Variants in SLC2A13 observed in about 807,000 individuals in gnomAD.
The protein encoded by SLC2A13 is proton myo-inositol cotransporter.
A neutral mutation model predicts 64.4 loss-of-function variants in SLC2A13; 32 were observed. The ratio of observed to expected loss-of-function variants is 0.50; its 90% CI spans 0.37 to 0.67. The LOEUF (loss-of-function observed/expected upper bound fraction) is 0.67, where lower values mean the gene tolerates loss of function less well. Among genes scored for constraint, SLC2A13 ranks in the 30% least tolerant of loss-of-function variants. The pLI, the probability that SLC2A13 is intolerant of heterozygous loss-of-function variation, is 0.00. For synonymous variants in SLC2A13, 338 were observed against 327.1 expected (o/e 1.03, Z -0.36); for missense variants, 743 against 829.2 (o/e 0.90, Z 1.28).
rs1939957301 is a variant in SLC2A13, at chr12:39,755,826, T to C, written c.*4200A>G. 1 of 152,064 alleles carries C rather than the reference T, an allele frequency of 6.6e-6. No individual in the cohort carries two copies. The highest frequency in any genetic ancestry group is 1.5e-5 in the Non-Finnish European group (1 of 67,866). The allele number at this position is 152,064 out of a possible 1,614,324, so 9.4% of individuals were successfully genotyped here. A position where few individuals can be genotyped will look rare whatever the true frequency, so the allele number is the denominator to read the frequency against. ...CATATAAAGATTTACATAAATTATA[T>C]TGTTTTAGCTCACTAGCAAATTATA... On this transcript the variant is annotated 3_prime_UTR_variant, in exon 10 of 10. Coordinates refer to ENST00000280871, the MANE Select transcript of SLC2A13 (RefSeq NM_052885.4).
chr12:39,941,306 T>C (rs1946021359), intron 4 of SLC2A13, among the ~76,000 whole-genome samples: 1 of 152,164 alleles, frequency 6.6e-6, no homozygotes, highest in African/African-American at 2.4e-5. Context: ...GATTGCTGGA[T>C]CAAATGGTAG....
At chr12:40,078,662 G>A (rs1405691340) in intron 1 of SLC2A13, among the ~76,000 whole-genome samples, 2 of 152,166 alleles carry the variant, frequency 1.3e-5, no homozygotes, top group Non-Finnish European at 2.9e-5. Flanking sequence ...GAGTCAGAGA[G>A]GAGTCCCTCT....
intron 4 of SLC2A13, among the ~76,000 whole-genome samples, chr12:39,922,469 A>G (rs1945631293): frequency 1.3e-5 from 2 of 152,140 alleles, no homozygotes; most frequent in African/African-American, 4.8e-5. Flanking sequence ...AAGAACTAAG[A>G]CTCTGTCCTC....
intron 3 of SLC2A13, among the ~76,000 whole-genome samples, chr12:40,009,152 CCAG>C (rs1947476603): frequency 6.6e-6 from 1 of 152,040 alleles, no homozygotes; most frequent in Non-Finnish European, 1.5e-5. Context: ...TCTGTTATGG[CCAG>C]CAGTGGAGCA....
intron 4 of SLC2A13, among the ~76,000 whole-genome samples, chr12:39,929,547 T>C (rs1392947623): frequency 6.8e-6 from 1 of 147,884 alleles, no homozygotes; most frequent in African/African-American, 2.5e-5. Flanking sequence ...TGAGAGTCCA[T>C]CTCAAAAAAA....
At chr12:39,962,751 C>T (rs1946437312) in intron 3 of SLC2A13, among the ~76,000 whole-genome samples, 1 of 152,124 alleles carries the variant, frequency 6.6e-6, no homozygotes, top group African/African-American at 2.4e-5. Flanking sequence ...ACTATACAAC[C>T]ATAATCAGTG....
intron 7 of SLC2A13, among the ~76,000 whole-genome samples, chr12:39,807,518 A>C (rs536153197): frequency 6.6e-6 from 1 of 152,318 alleles, no homozygotes; most frequent in South Asian, 2.1e-4. Context: ...CAAAATAAAA[A>C]CACTAATTGA....
intron 1 of SLC2A13, among the ~76,000 whole-genome samples, chr12:40,093,285 T>G (rs1938827264): frequency 6.6e-6 from 1 of 152,208 alleles, no homozygotes; most frequent in African/African-American, 2.4e-5. Context: ...ATTACTTCCA[T>G]CCACTACACA....
intron 3 of SLC2A13, among the ~76,000 whole-genome samples, chr12:40,002,189 T>C (rs1468866604): frequency 1.3e-5 from 2 of 152,250 alleles, no homozygotes; most frequent in African/African-American, 2.4e-5. Flanking sequence ...TGGGCACTTA[T>C]TATGCGCCAG....
At chr12:39,816,601 A>T (rs1942348406) in intron 7 of SLC2A13, among the ~76,000 whole-genome samples, 1 of 151,928 alleles carries the variant, frequency 6.6e-6, no homozygotes, top group African/African-American at 2.4e-5. Context: ...AAGAAAGAAA[A>T]ATCAAGGGTA....
intron 6 of SLC2A13, among the ~76,000 whole-genome samples, chr12:39,851,440 A>G (rs1191552466): frequency 5.9e-5 from 9 of 152,196 alleles, no homozygotes; most frequent in Admixed American, 5.9e-4. Context: ...ATATATTGAT[A>G]ATTATTAAAA....
intron 4 of SLC2A13, among the ~76,000 whole-genome samples, chr12:39,895,030 C>T (rs148924366): frequency 4.9e-4 from 75 of 152,176 alleles, no homozygotes; most frequent in South Asian, 8.3e-4. Context: ...TCATAACCAA[C>T]GGCAGTGGAA....
Position 40,019,297 on chromosome 12 carries a change from G to A in SLC2A13, c.925+9004C>T, listed in dbSNP as rs559249574. The stretch of plus-strand genomic sequence containing the variant: ...TTTGAATGCTTTCCTTTCAGAAAAG[G>A]ATATTCTTAAGGACATTTGATTGTT... On this transcript the variant is annotated intron_variant, in intron 3 of 9. Transcript: ENST00000280871. Among the ~76,000 whole-genome samples the A allele has an allele frequency of 7.2e-5, 11 of 152,260 alleles. No homozygotes were observed. In the South Asian group the frequency reaches 2.3e-3, roughly 32 times the overall value.
At chr12:40,096,745 TTATA>T (rs1390198110) in intron 1 of SLC2A13, among the ~76,000 whole-genome samples, 6 of 151,854 alleles carry the variant, frequency 4.0e-5, no homozygotes, top group Non-Finnish European at 5.9e-5. Flanking sequence ...ACCCTATACA[TTATA>T]TATATATTAT....
At chr12:40,046,217 T>C (rs755886366) in intron 2 of SLC2A13, among the ~76,000 whole-genome samples, 89 of 152,182 alleles carry the variant, frequency 5.8e-4, no homozygotes, top group Non-Finnish European at 1.1e-3. Flanking sequence ...TCTTATCTAA[T>C]CAATGGTAAA....
chr12:39,959,745 T>A (rs1400014990), intron 3 of SLC2A13, among the ~76,000 whole-genome samples: 1 of 152,118 alleles, frequency 6.6e-6, no homozygotes, highest in Non-Finnish European at 1.5e-5. Flanking sequence ...TACGAAGAAT[T>A]ACTGTTCTAG....
At chr12:39,931,020 CCTT>C (rs1215984342) in intron 4 of SLC2A13, among the ~76,000 whole-genome samples, 2 of 152,098 alleles carry the variant, frequency 1.3e-5, no homozygotes, top group African/African-American at 4.8e-5. Context: ...CACAAATTGG[CCTT>C]CTAATAAATA....
intron 4 of SLC2A13, among the ~76,000 whole-genome samples, chr12:39,938,900 C>A (rs1174082109): frequency 6.6e-6 from 1 of 152,278 alleles, no homozygotes; most frequent in Non-Finnish European, 1.5e-5. Flanking sequence ...CAGTTTCTAG[C>A]TCAACTTTCT....
At chr12:40,027,588 G>A (rs1391051975) in intron 3 of SLC2A13, among the ~76,000 whole-genome samples, 5 of 152,192 alleles carry the variant, frequency 3.3e-5, no homozygotes, top group Non-Finnish European at 7.3e-5. Context: ...GAGTGTGTGT[G>A]CTTGGCATTT....
Sources: gnomAD v4.1 joint callset for allele counts (sites outside exome capture counted in the v4.1 genomes callset) on GRCh38, gnomAD v4.1.1 for gene constraint, MANE v1.5 for transcripts, NCBI Gene and HGNC (gene_info 2026-07-23, HGNC 2026-07-21) for gene names.